Variants in POU2F3 observed in about 807,000 individuals in gnomAD.
The protein encoded by POU2F3 is POU domain, class 2, transcription factor 3.
A neutral mutation model predicts 59.2 loss-of-function variants in POU2F3; 23 were observed. The observed-to-expected ratio is 0.39, with a 90% CI of 0.28 to 0.55. The LOEUF is 0.55. Among genes scored for constraint, POU2F3 ranks in the 20% least tolerant of loss-of-function variants. The pLI is 0.66. For missense variants in POU2F3, 473 were observed against 544.5 expected (o/e 0.87, Z 1.31); for synonymous variants, 190 against 214.6 (o/e 0.89, Z 1.00).
chr11:120,241,260 A>G (rs895703658), intron 1 of POU2F3, among the ~76,000 whole-genome samples: 1 of 152,246 alleles, frequency 6.6e-6, no homozygotes, highest in Non-Finnish European at 1.5e-5. Context: ...GGCAGGACCC[A>G]GTGATCTTTC....
intron 12 of POU2F3, 101 bp downstream of exon 12, chr11:120,317,465 T>C (rs879939636): frequency 2.8e-5 from 42 of 1,514,728 alleles, no homozygotes; most frequent in Admixed American, 8.6e-5. Context: ...ATAGAAAGGG[T>C]TGGAAAAGAG....
chr11:120,238,562 C>G (rs1378660252), upstream of POU2F3, among the ~76,000 whole-genome samples: 1 of 151,792 alleles, frequency 6.6e-6, no homozygotes, highest in Admixed American at 6.6e-5. Flanking sequence ...TTAGGCTGGG[C>G]GTGGTGGCTC....
At chr11:120,312,332 A>T (rs966201839) in intron 10 of POU2F3, among the ~76,000 whole-genome samples, 1 of 152,144 alleles carries the variant, frequency 6.6e-6, no homozygotes, top group African/African-American at 2.4e-5. Context: ...CATGTTGGCC[A>T]GGCTGGTCTT....
At chr11:120,305,005 A>G in intron 6 of POU2F3, 25 bp from the exon 7 acceptor site, 1 of 1,410,368 alleles carries the variant, frequency 7.1e-7, no homozygotes, top group Non-Finnish European at 9.7e-7. Flanking sequence ...TTCGTGGTGG[A>G]TCTGCTTGGC....
At chr11:120,305,299 A>AGGCTCGATGTGTTTGGG in intron 7 of POU2F3, 87 bp downstream of exon 7, 1 of 1,459,414 alleles carries the variant, frequency 6.9e-7, no homozygotes, top group South Asian at 1.3e-5. Flanking sequence ...GAGCGACCAG[A>AGGCTCGATGTGTTTGGG]GGCTCGATGT....
In POU2F3 at chr11:120,253,128, G is replaced by A. The variant is rs116863015; in HGVS notation, c.97+6611G>A. On this transcript the variant is annotated intron_variant, in intron 2 of 12. Coordinates refer to ENST00000543440, the MANE Select transcript of POU2F3 (RefSeq NM_014352.4). ...TATATTTCCAGCCTGTCACAGACAT[G>A]CACCCAGACCTACTGTGCCCGACAG... Among the ~76,000 whole-genome samples the A allele has an allele frequency of 9.8e-3, 1,493 of 152,234 alleles. 18 individuals are homozygous for A. The highest frequency in any genetic ancestry group is 0.03 in the South Asian group (144 of 4,814).
intron 3 of POU2F3, among the ~76,000 whole-genome samples, chr11:120,283,477 G>A (rs1235129391): frequency 6.6e-6 from 1 of 152,160 alleles, no homozygotes; most frequent in Admixed American, 6.5e-5. Context: ...AAGTGCATAA[G>A]AGGCCTCCAG....
chr11:120,301,214 T>A (rs531037318), intron 5 of POU2F3: 332 of 388,144 alleles, frequency 8.6e-4, no homozygotes, highest in African/African-American at 6.6e-3. Flanking sequence ...CTCTCTGAGC[T>A]TCCATTTCCT....
At chr11:120,317,723 T>C (rs1941825890) in intron 12 of POU2F3, among the ~76,000 whole-genome samples, 1 of 152,238 alleles carries the variant, frequency 6.6e-6, no homozygotes, top group Non-Finnish European at 1.5e-5. Context: ...GCCCAGAGCT[T>C]AGGCACAAAG....
chr11:120,302,999 T>C (rs1941391586), intron 6 of POU2F3: 1 of 152,382 alleles, frequency 6.6e-6, no homozygotes, highest in African/African-American at 2.4e-5. Flanking sequence ...ATGAGCTGTA[T>C]CTTAGCTGCC....
At chr11:120,272,417 G>A (rs1340422629) in intron 3 of POU2F3, among the ~76,000 whole-genome samples, 1 of 152,204 alleles carries the variant, frequency 6.6e-6, no homozygotes, top group East Asian at 1.9e-4. Flanking sequence ...GATTGAGTGT[G>A]ACCTCACCAT....
At chr11:120,241,790 C>T (rs547175058) in intron 1 of POU2F3, among the ~76,000 whole-genome samples, 1 of 152,182 alleles carries the variant, frequency 6.6e-6, no homozygotes, top group Admixed American at 6.5e-5. Flanking sequence ...TGGAGGCTCC[C>T]ATTCTGTGGA....
chr11:120,308,802 G>A (rs544573294), intron 9 of POU2F3, among the ~76,000 whole-genome samples: 2 of 151,802 alleles, frequency 1.3e-5, no homozygotes, highest in East Asian at 1.9e-4. Context: ...GCTGGGCGTG[G>A]TGATGTATGC....
chr11:120,244,303 A>G (rs753729248), intron 1 of POU2F3, among the ~76,000 whole-genome samples: 2 of 152,222 alleles, frequency 1.3e-5, no homozygotes, highest in Non-Finnish European at 2.9e-5. Flanking sequence ...CATGAGAAGA[A>G]GGCAGGAAGG....
chr11:120,293,596 T>C (rs1484237378), intron 3 of POU2F3, among the ~76,000 whole-genome samples: 1 of 152,204 alleles, frequency 6.6e-6, no homozygotes, highest in Non-Finnish European at 1.5e-5. Context: ...GTGAAATGTT[T>C]ATGAAACACT....
chr11:120,280,632 AAGAG>A (rs5795223), intron 3 of POU2F3, among the ~76,000 whole-genome samples: 2,013 of 139,536 alleles, frequency 0.014, 43 homozygotes, highest in African/African-American at 0.05. Flanking sequence ...GAGAGAGAAA[AAGAG>A]AGAGAGAGAG....
At chr11:120,305,831 A>G (rs992766897) in intron 8 of POU2F3, 46 bp downstream of exon 8, 2 of 1,605,652 alleles carry the variant, frequency 1.2e-6, no homozygotes, top group African/African-American at 2.7e-5. Context: ...AGGGCTCTGC[A>G]GGGAAGGGCC....
At chr11:120,283,772 CGTGTGTGTGTGTGTGT>C (rs36099803) in intron 3 of POU2F3, among the ~76,000 whole-genome samples, 299 of 130,444 alleles carry the variant, frequency 2.3e-3, no homozygotes, top group African/African-American at 4.2e-3. Context: ...TAATAGGCTT[CGTGTGTGTGTGTGTGT>C]GTGTGTGTGT....
At chr11:120,297,316 G>C (rs1214268568) in intron 3 of POU2F3, among the ~76,000 whole-genome samples, 1 of 152,214 alleles carries the variant, frequency 6.6e-6, no homozygotes. Flanking sequence ...GCCCACGCAT[G>C]GGTGGTTAGT....
Sources: gnomAD v4.1 joint callset for allele counts (sites outside exome capture counted in the v4.1 genomes callset) on GRCh38, gnomAD v4.1.1 for gene constraint, MANE v1.5 for transcripts, NCBI Gene and HGNC (gene_info 2026-07-23, HGNC 2026-07-21) for gene names.